PLCXD1: variants seen among roughly 807,000 people sequenced by gnomAD.
The protein encoded by PLCXD1 is PI-PLC X domain-containing protein 1.
A neutral mutation model predicts 37.8 loss-of-function variants in PLCXD1; 45 were observed. The observed-to-expected ratio is 1.19, with a 90% CI of 0.94 to 1.53. PLCXD1 has a LOEUF of 1.53. Among genes scored for constraint, PLCXD1 ranks in the 40% most tolerant of loss-of-function variants. The pLI, the probability that PLCXD1 is intolerant of heterozygous loss-of-function variation, is 0.00. For missense variants in PLCXD1, 539 were observed against 454.7 expected (o/e 1.19, Z -1.69); for synonymous variants, 246 against 206.9 (o/e 1.19, Z -1.62).
chrX:282,868 TG>T (rs1446158858), intron 1 of PLCXD1, among the ~76,000 whole-genome samples: 4 of 142,726 alleles, frequency 2.8e-5, no homozygotes, highest in African/African-American at 1.0e-4. Context: ...GATGTATATA[TG>T]TATATATGTT....
intron 6 of PLCXD1, 64 bp downstream of exon 6, chrX:293,282 C>T (rs1026583140): frequency 5.9e-5 from 76 of 1,297,614 alleles, no homozygotes; most frequent in African/African-American, 2.4e-4. Flanking sequence ...TGCGGCAGGC[C>T]GGGTCCACAT....
At chrX:288,630 G>T in intron 2 of PLCXD1, 103 bp from the exon 3 acceptor site, 4 of 1,255,390 alleles carry the variant, frequency 3.2e-6, no homozygotes, top group Non-Finnish European at 2.3e-6. Flanking sequence ...CCTGTGCTGT[G>T]GGCGGGCAGC....
intron 2 of PLCXD1, among the ~76,000 whole-genome samples, chrX:288,372 G>C (rs1471294638): frequency 6.6e-6 from 1 of 150,926 alleles, no homozygotes; most frequent in Non-Finnish European, 1.5e-5. Flanking sequence ...GGCATCCCTG[G>C]GCTTGTGGCC....
chrX:284,225 G>C lies in PLCXD1; in HGVS notation c.38G>C (p.Arg13Thr). The change falls in exon 2 of 7, where the codon AGG (arginine) becomes ACG (threonine). Residue 13 changes from arginine (R) to threonine (T), a missense_variant. Physicochemically the swap from Arg to Thr is moderately conservative, Grantham distance 71 (BLOSUM62 -1). Transcript: ENST00000381657. ...GQVSASNSFSRLHCRNANEDW... is the reference protein window; with the variant it reads ...GQVSASNSFSTLHCRNANEDW... ...GTGAGCGCTTCCAACAGCTTCTCGAGGCTGCACTGCAGAAATGCCAACGAG... is the reference window on the plus strand; with the variant it reads ...GTGAGCGCTTCCAACAGCTTCTCGACGCTGCACTGCAGAAATGCCAACGAG... The C allele has an allele frequency of 6.2e-7, 1 of 1,613,588 alleles. No individual in the cohort carries two copies. Among genetic ancestry groups the C allele is most frequent in the Non-Finnish European group, 8.5e-7 (1 of 1,179,800 alleles).
rs965106534 is a variant in PLCXD1 at position 283,029 on chromosome X, TATA to T, written c.-21-1134_-21-1132del. On this transcript the variant is annotated intron_variant, in intron 1 of 6. Transcript: ENST00000381657. ...ATATATGTTATATATATGTTATGTA[TATA>T]ATATGTATATATGTATATATTCTGT... 8 of 142,266 alleles carry T rather than the reference TATA, an allele frequency of 5.6e-5. 1 individual carries two copies. Among genetic ancestry groups the T allele is most frequent in the Admixed American group, 7.6e-5 (1 of 13,156 alleles). The allele number at this position is 142,266 out of a possible 1,614,324, so 8.8% of individuals were successfully genotyped here.
rs1569339948 is a variant in PLCXD1, at chrX:300,588, TTA to T, written c.*1256_*1257del. ...TGTGTATGTGTACATGTATATGTGTTTATACATGTATATGTGTGTATGCGTGT... is the reference window on the plus strand; with the variant it reads ...TGTGTATGTGTACATGTATATGTGTTTACATGTATATGTGTGTATGCGTGT... On this transcript the variant is annotated 3_prime_UTR_variant, in exon 7 of 7. Coordinates refer to ENST00000381657, the MANE Select transcript of PLCXD1 (RefSeq NM_018390.4). 4.0e-5 allele frequency: 6 copies of T among 150,324 alleles called. No individual in the cohort carries two copies. The highest frequency in any genetic ancestry group is 1.3e-4 in the Admixed American group (2 of 15,176). 9.3% of individuals were successfully genotyped at this position (150,324 alleles called of 1,614,324 possible).
At chrX:278,738 C>CAA (rs549455644), upstream of PLCXD1, among the ~76,000 whole-genome samples, 1,561 of 102,834 alleles carry the variant, frequency 0.015, 67 homozygotes, top group African/African-American at 0.037. Context: ...GACTCCGTCT[C>CAA]AAAAAAAAAA....
At chrX:279,430 A>T (rs1199219688), upstream of PLCXD1, among the ~76,000 whole-genome samples, 1 of 152,182 alleles carries the variant, frequency 6.6e-6, no homozygotes, top group Admixed American at 6.5e-5. Flanking sequence ...GCGGGCTTCC[A>T]GGTCATAAGG....
chrX:288,932 G>C, intron 3 of PLCXD1, 63 bp downstream of exon 3: 1 of 1,533,808 alleles, frequency 6.5e-7, no homozygotes, highest in Non-Finnish European at 9.0e-7. Context: ...ACGGCCCCGT[G>C]GTGCTGAAAT....
At chrX:278,139 C>T (rs1224340895), upstream of PLCXD1, among the ~76,000 whole-genome samples, 1 of 124,102 alleles carries the variant, frequency 8.1e-6, no homozygotes, top group Non-Finnish European at 1.7e-5. Flanking sequence ...AGTGGACACC[C>T]CTCAGTGGTC....
intron 1 of PLCXD1, among the ~76,000 whole-genome samples, chrX:282,098 C>G (rs750031307): frequency 2.0e-5 from 3 of 152,202 alleles, no homozygotes; most frequent in African/African-American, 7.2e-5. Context: ...AGGAAACATT[C>G]CTCAGATGTG....
intron 3 of PLCXD1, among the ~76,000 whole-genome samples, 182 bp downstream of exon 3, chrX:289,051 C>A (rs776443085): frequency 1.3e-4 from 20 of 152,282 alleles, no homozygotes; most frequent in African/African-American, 3.8e-4. Flanking sequence ...CCACCCAGAA[C>A]CCCTCCCCAG....
chrX:285,648 C>T (rs946187565), intron 2 of PLCXD1, among the ~76,000 whole-genome samples: 18 of 151,960 alleles, frequency 1.2e-4, no homozygotes, highest in Admixed American at 2.6e-4. Context: ...CGCGTGTACA[C>T]ACATGCACAC....
chrX:286,852 G>A (rs2069462890), intron 2 of PLCXD1, among the ~76,000 whole-genome samples: 1 of 151,942 alleles, frequency 6.6e-6, no homozygotes, highest in Non-Finnish European at 1.5e-5. Context: ...TTATAAACTA[G>A]GCAAGGTGGG....
chrX:279,753 A>G (rs1231067318), upstream of PLCXD1, among the ~76,000 whole-genome samples: 1 of 151,166 alleles, frequency 6.6e-6, no homozygotes, highest in Non-Finnish European at 1.5e-5. Context: ...CAGTCTGCGC[A>G]ACAGAGCGAG....
chrX:291,689 GGGGCAGGGGCATC>G, intron 5 of PLCXD1, 35 bp downstream of exon 5: 1 of 1,604,840 alleles, frequency 6.2e-7, no homozygotes, highest in Non-Finnish European at 8.5e-7. Flanking sequence ...CGTCTCTCCC[GGGGCAGGGGCATC>G]GTCAGCCTCA....
At chrX:280,342 C>A (rs764595276), upstream of PLCXD1, among the ~76,000 whole-genome samples, 1,577 of 53,842 alleles carry the variant, frequency 0.029, 31 homozygotes, top group African/African-American at 0.03. Context: ...GGAGGGGAGG[C>A]CGTGCAGGGG....
chrX:277,326 T>G (rs2069177428), upstream of PLCXD1, among the ~76,000 whole-genome samples: 2 of 19,128 alleles, frequency 1.0e-4, no homozygotes. Flanking sequence ...ACCTGGGATG[T>G]GAGGGGAGGG....
Position 291,570 on chromosome X carries a change from C to A in PLCXD1, c.465C>A (p.Asn155Lys). The A allele has an allele frequency of 1.9e-6, 3 of 1,613,172 alleles. No individual in the cohort carries two copies. The highest frequency in any genetic ancestry group is 2.5e-6 in the Non-Finnish European group (3 of 1,179,846). Reference protein sequence around the residue: ...PREVVILACRNFEGLSEDLHE... With the variant: ...PREVVILACRKFEGLSEDLHE... The stretch of plus-strand genomic sequence containing the variant: ...AGGTGGTCATCCTGGCCTGCAGAAA[C>A]TTCGAGGGGCTGAGCGAGGACCTGC... The change falls in exon 5 of 7, where the codon AAC (asparagine) becomes AAA (lysine). Residue 155 changes from asparagine (N) to lysine (K), a missense_variant. Physicochemically the swap from Asn to Lys is moderately conservative, Grantham distance 94. Transcript: ENST00000381657.
Sources: gnomAD v4.1 joint callset for allele counts (sites outside exome capture counted in the v4.1 genomes callset) on GRCh38, gnomAD v4.1.1 for gene constraint, MANE v1.5 for transcripts, NCBI Gene and HGNC (gene_info 2026-07-23, HGNC 2026-07-21) for gene names.